Variants in MLC1 observed in about 807,000 individuals in gnomAD.
MLC1 encodes the protein modulator of VRAC current 1, also known as membrane protein MLC1.
In MLC1, 32 loss-of-function variants were observed where a neutral mutation model predicts 44.7. That is an observed-to-expected ratio of 0.72 (90% CI 0.54 to 0.96). The LOEUF is 0.96. Among genes scored for constraint, MLC1 ranks in the 40% least tolerant of loss-of-function variants. The pLI is 0.00. For synonymous variants in MLC1, 190 were observed against 213.0 expected, an observed-to-expected ratio of 0.89 and a Z score of 0.94; for missense variants, 459 against 492.2, an observed-to-expected ratio of 0.93 and a Z score of 0.64.
In MLC1 at chr22:50,061,549, C is replaced by T; in HGVS notation, c.*34G>A. 6.2e-7 allele frequency: 1 copy of T among 1,601,716 alleles called. No individual in the cohort carries two copies. Among genetic ancestry groups the T allele is most frequent in the Non-Finnish European group, 8.5e-7 (1 of 1,170,100 alleles). ...GTGCGTTTCCATGCTTGGGGCCAGGCTGGGCGCTGCCACCCGGTTTCCGCG... is the reference window on the plus strand; with the variant it reads ...GTGCGTTTCCATGCTTGGGGCCAGGTTGGGCGCTGCCACCCGGTTTCCGCG... On this transcript the variant is annotated 3_prime_UTR_variant, in exon 12 of 12. Transcript: ENST00000311597.
rs1156311350 is a variant in MLC1, at chr22:50,079,947, T to G, written c.394A>C (p.Lys132Gln). ...ATTGCTGATGGGTTCAGGACTAGTT[T>G]GCATCCAAACCAAATTAAACACGTA... ...TTTCLIWFGC[K>Q]LVLNPSAINI... The change falls in exon 5 of 12, where the codon AAA becomes CAA. Residue 132 changes from lysine to glutamine, a missense_variant. Lys to Gln is a moderately conservative substitution (Grantham distance 53). Coordinates refer to ENST00000311597, the MANE Select transcript of MLC1 (RefSeq NM_015166.4). The G allele has an allele frequency of 1.2e-6, 2 of 1,614,044 alleles. No individual in the cohort carries two copies. The highest frequency in any genetic ancestry group is 2.2e-5 in the East Asian group (1 of 44,888).
intron 7 of MLC1, among the ~76,000 whole-genome samples, chr22:50,075,115 CACCGCCAG>C (rs2061947218): frequency 6.7e-6 from 1 of 148,482 alleles, no homozygotes; most frequent in African/African-American, 2.6e-5. Context: ...CCGCAACCAG[CACCGCCAG>C]ACTCAGGGAG....
rs1272289427 is a variant in MLC1, at chr22:50,064,057, GGCCGTT to G, written c.1030_1035del (p.Asn344_Gly345del). The stretch of plus-strand genomic sequence containing the variant: ...ACCTCCCCAGCCAGGCGCTCCTGCG[GGCCGTT>G]CTGGGTGTCCCAGGATGCACCCTGC... On this transcript the variant is annotated inframe_deletion, in exon 11 of 12. Transcript: ENST00000311597. 4 of 1,587,408 alleles carry G rather than the reference GGCCGTT, an allele frequency of 2.5e-6. No individual in the cohort carries two copies. The Admixed American group carries it at 6.9e-5, about 27-fold the overall frequency.
chr22:50,074,959 G>C (rs113211226), intron 7 of MLC1, among the ~76,000 whole-genome samples: 1 of 152,246 alleles, frequency 6.6e-6, no homozygotes, highest in South Asian at 2.1e-4. Flanking sequence ...GGCACCTGCC[G>C]GTTGGAGAGC....
intron 7 of MLC1, among the ~76,000 whole-genome samples, chr22:50,075,691 C>CAG (rs137925): frequency 0.99 from 149,066 of 150,158 alleles, 73,994 homozygotes; most frequent in East Asian, 1. Context: ...GCCTGGGCAA[C>CAG]AGCAGGACTC....
At chr22:50,062,187 ATCCACCCTGAGCCCCAGCCG>A (rs796357387) in intron 11 of MLC1, among the ~76,000 whole-genome samples, 5,573 of 113,032 alleles carry the variant, frequency 0.049, 632 homozygotes, top group African/African-American at 0.18. Flanking sequence ...AGCCCCAGCC[ATCCACCCTGAGCCCCAGCCG>A]TCCACCCTGA....
chr22:50,080,919 A>G (rs950400531), intron 3 of MLC1, among the ~76,000 whole-genome samples: 1 of 151,806 alleles, frequency 6.6e-6, no homozygotes, highest in Non-Finnish European at 1.5e-5. Flanking sequence ...ACTACTCCGG[A>G]GGCTGAGCTG....
At position 50,074,214 on chromosome 22, in the gene MLC1, A is replaced by G; in HGVS notation, c.714+2T>C. 1 of 1,611,122 alleles carries G rather than the reference A, an allele frequency of 6.2e-7. No homozygotes were observed. The highest frequency in any genetic ancestry group is 8.5e-7 in the Non-Finnish European group (1 of 1,178,488). The stretch of plus-strand genomic sequence containing the variant: ...GGCGGGCGGGCCAGAGGGGTTACTC[A>G]CGGCCACTAGGATCCAAAAGAACGT... On this transcript the variant is annotated splice_donor_variant, in intron 8 of 11. Transcript: ENST00000311597. LOFTEE classifies it high-confidence loss of function.
In MLC1 at chr22:50,084,929, T is replaced by C. The variant is rs2062244391; in HGVS notation, c.-27A>G. On this transcript the variant is annotated 5_prime_UTR_variant, in exon 2 of 12. Transcript: ENST00000311597. ...GCACTTGGGGACACCACAGCTGTGC[T>C]GAATGTACAGCCACGTGTCACCAGT... 1 of 1,608,200 alleles carries C rather than the reference T, an allele frequency of 6.2e-7. No homozygotes were observed. Among genetic ancestry groups the C allele is most frequent in the African/African-American group, 1.3e-5 (1 of 74,958 alleles).
chr22:50,067,084 A>T (rs1416067801), intron 10 of MLC1, among the ~76,000 whole-genome samples: 1 of 152,166 alleles, frequency 6.6e-6, no homozygotes, highest in Admixed American at 6.5e-5. Context: ...AATCGTGAAC[A>T]ATTATATGCA....
At chr22:50,062,572 C>T (rs985974120) in intron 11 of MLC1, among the ~76,000 whole-genome samples, 55 of 152,368 alleles carry the variant, frequency 3.6e-4, no homozygotes, top group African/African-American at 1.2e-3. Context: ...AGCTGAGAAA[C>T]GAGCCAAGGG....
rs989485910 is a variant in MLC1 at position 50,061,302 on chromosome 22, C to T, written c.*281G>A. On this transcript the variant is annotated 3_prime_UTR_variant, in exon 12 of 12. Transcript: ENST00000311597. ...GGGTGGGGCTCTCAAGAGGCCGAGCCGGGGGCCCTTCCTCGGCCTGGGAAG... is the reference window on the plus strand; with the variant it reads ...GGGTGGGGCTCTCAAGAGGCCGAGCTGGGGGCCCTTCCTCGGCCTGGGAAG... 5.9e-6 allele frequency: 3 copies of T among 507,116 alleles called. No individual in the cohort carries two copies. Among genetic ancestry groups the T allele is most frequent in the East Asian group, 3.6e-5 (1 of 27,572 alleles). The allele number at this position is 507,116 out of a possible 1,614,324, so 31.4% of individuals were successfully genotyped here. A position where few individuals can be genotyped will look rare whatever the true frequency, so the allele number is the denominator to read the frequency against.
chr22:50,069,517 A>G (rs1411712390), intron 9 of MLC1, among the ~76,000 whole-genome samples: 1 of 151,836 alleles, frequency 6.6e-6, no homozygotes, highest in African/African-American at 2.4e-5. Context: ...GTGGTGGCGC[A>G]TGCCTGTAGT....
At chr22:50,078,947 A>C (rs1446727515) in intron 5 of MLC1, among the ~76,000 whole-genome samples, 1 of 152,038 alleles carries the variant, frequency 6.6e-6, no homozygotes, top group Non-Finnish European at 1.5e-5. Context: ...GATACAAGCC[A>C]CTGACCCAGG....
intron 6 of MLC1, 86 bp from the exon 7 acceptor site, chr22:50,076,998 GT>G (rs1263418004): frequency 4.8e-6 from 7 of 1,452,556 alleles, no homozygotes; most frequent in South Asian, 1.1e-5. Context: ...TGGGCAGTGG[GT>G]CAGGTCAGCC....
rs1276101909 is a variant in MLC1, at chr22:50,063,916, C to G, written c.1059+118G>C. 3.3e-4 allele frequency: 397 copies of G among 1,208,314 alleles called. 6 individuals are homozygous for G. The Admixed American group carries it at 8.8e-3, about 27-fold the overall frequency. The allele number at this position is 1,208,314 out of a possible 1,614,324, so 74.8% of individuals were successfully genotyped here. A position where few individuals can be genotyped will look rare whatever the true frequency, so the allele number is the denominator to read the frequency against. On this transcript the variant is annotated intron_variant, in intron 11 of 11. Coordinates refer to ENST00000311597, the MANE Select transcript of MLC1 (RefSeq NM_015166.4). ...CACTCACCTCCCCGGCTGGGCACCC[C>G]TGTGGGCCACTCACCTCCCCAGCTT...
At chr22:50,085,333 G>A (rs376211177) in intron 1 of MLC1, 22 bp downstream of exon 1, 3 of 494,488 alleles carry the variant, frequency 6.1e-6, no homozygotes, top group East Asian at 8.4e-5. Context: ...TCTACTCAAC[G>A]GCTTAATGTC....
chr22:50,074,385 T>G, intron 7 of MLC1, 53 bp from the exon 8 acceptor site: 1 of 1,436,386 alleles, frequency 7.0e-7, no homozygotes, highest in Non-Finnish European at 9.8e-7. Context: ...CACCCCCAGA[T>G]TCCCAGAATG....
At chr22:50,076,988 T>C in intron 6 of MLC1, 76 bp from the exon 7 acceptor site, 1 of 1,519,980 alleles carries the variant, frequency 6.6e-7, no homozygotes, top group Non-Finnish European at 9.1e-7. Flanking sequence ...CCGGCCGCCG[T>C]GGGCAGTGGG....
Sources: gnomAD v4.1 joint callset for allele counts (sites outside exome capture counted in the v4.1 genomes callset) on GRCh38, gnomAD v4.1.1 for gene constraint, MANE v1.5 for transcripts, NCBI Gene and HGNC (gene_info 2026-07-23, HGNC 2026-07-21) for gene names.